Variants in PATJ observed in about 807,000 individuals in gnomAD.
PATJ encodes inaD-like protein.
PATJ carries 190 observed loss-of-function variants against 224.9 expected under a neutral mutation model. The ratio of observed to expected loss-of-function variants is 0.84; its 90% CI spans 0.75 to 0.95. PATJ has a LOEUF of 0.95. Among genes scored for constraint, PATJ ranks in the 40% least tolerant of loss-of-function variants. The probability of loss-of-function intolerance (pLI) is 0.00; values close to 1 mark genes in which losing one functional copy is unlikely to be tolerated. For synonymous variants in PATJ, 769 were observed against 820.3 expected, an observed-to-expected ratio of 0.94 and a Z score of 1.07; for missense variants, 2,121 against 2,270.3, an observed-to-expected ratio of 0.93 and a Z score of 1.34.
At chr1:61,752,166 T>C (rs186279017) in intron 1 of PATJ, among the ~76,000 whole-genome samples, 19 of 149,938 alleles carry the variant, frequency 1.3e-4, no homozygotes, top group Admixed American at 8.7e-4. Context: ...AAGCCTACCA[T>C]ATAGCAGTTT....
At chr1:61,939,726 C>T (rs556181978) in intron 27 of PATJ, among the ~76,000 whole-genome samples, 2 of 115,754 alleles carry the variant, frequency 1.7e-5, no homozygotes, top group Admixed American at 1.2e-4. Flanking sequence ...CCATGCTGGA[C>T]TGCAGTGGTG....
At chr1:61,863,478 G>T (rs1052292555) in intron 19 of PATJ, among the ~76,000 whole-genome samples, 7 of 152,158 alleles carry the variant, frequency 4.6e-5, no homozygotes, top group African/African-American at 1.7e-4. Flanking sequence ...TGATCTCTTA[G>T]AAAGAAGAGG....
Position 61,861,629 on chromosome 1 carries a change from C to T in PATJ, c.2401C>T (p.His801Tyr). The part of the protein sequence containing the change: ...EDKTEFSGTI[H>Y]DINSSLILEA... ...CAAGACTGAATTTTCAGGAACAATTCATGATATAAATTCATCTTTAATACT... is the reference window on the plus strand; with the variant it reads ...CAAGACTGAATTTTCAGGAACAATTTATGATATAAATTCATCTTTAATACT... Residue 801 changes from histidine to tyrosine, a missense_variant, in exon 19 of 44, where the codon CAT becomes TAT. Physicochemically the swap from His to Tyr is moderately conservative, Grantham distance 83 (BLOSUM62 2). Coordinates refer to ENST00000642238, the MANE Select transcript of PATJ (RefSeq NM_001350145.3). 1 of 1,476,532 alleles carries T rather than the reference C, an allele frequency of 6.8e-7. No individual in the cohort carries two copies. The highest frequency in any genetic ancestry group is 9.1e-7 in the Non-Finnish European group (1 of 1,100,206). The allele number at this position is 1,476,532 out of a possible 1,614,324, so 91.5% of individuals were successfully genotyped here. A position where few individuals can be genotyped will look rare whatever the true frequency, so the allele number is the denominator to read the frequency against.
At chr1:62,084,494 C>T in intron 32 of PATJ, 21 bp from the exon 33 acceptor site, 1 of 1,604,088 alleles carries the variant, frequency 6.2e-7, no homozygotes, top group African/African-American at 1.3e-5. Flanking sequence ...GCCAGTCATG[C>T]TGTGTTCAAT....
chr1:61,823,308 C>CTAGGA (rs1425585688), intron 15 of PATJ, among the ~76,000 whole-genome samples: 1 of 152,124 alleles, frequency 6.6e-6, no homozygotes, highest in African/African-American at 2.4e-5. Context: ...AAATGAATGA[C>CTAGGA]TAGGAAAGAA....
At chr1:62,054,273 G>A (rs1654164609) in intron 31 of PATJ, 9 of 373,924 alleles carry the variant, frequency 2.4e-5, no homozygotes, top group South Asian at 1.9e-4. Flanking sequence ...TGAAGTGGGA[G>A]GATTACTTGG....
Position 61,777,341 on chromosome 1 carries a change from G to C in PATJ, c.849+2007G>C, listed in dbSNP as rs141118469. Among the ~76,000 whole-genome samples the C allele has an allele frequency of 1.1e-3, 165 of 152,200 alleles. 5 individuals are homozygous for C. In the East Asian group the frequency reaches 0.028, roughly 26 times the overall value. On this transcript the variant is annotated intron_variant, in intron 7 of 43. Coordinates refer to ENST00000642238, the MANE Select transcript of PATJ (RefSeq NM_001350145.3). ...GCACTTTGGGAAGCCAAGGTGGGAGGCTCTCTTGAGCCCAGGAGTTCGATA... is the reference window on the plus strand; with the variant it reads ...GCACTTTGGGAAGCCAAGGTGGGAGCCTCTCTTGAGCCCAGGAGTTCGATA...
intron 21 of PATJ, among the ~76,000 whole-genome samples, chr1:61,876,368 C>G (rs886556089): frequency 2.0e-5 from 3 of 152,116 alleles, no homozygotes; most frequent in Non-Finnish European, 2.9e-5. Flanking sequence ...CAAAATAAAA[C>G]TCTCCAGGTA....
chr1:61,864,347 C>G lies in PATJ; in HGVS notation c.2549C>G (p.Ala850Gly). 1.9e-6 allele frequency: 3 copies of G among 1,613,998 alleles called. No homozygotes were observed. The highest frequency in any genetic ancestry group is 2.5e-6 in the Non-Finnish European group (3 of 1,179,916). ...AAAGAGATAGAGCAAAGCAAGGAGG[C>G]CTGGGAGATGCATGAATTTCTGACT... ...QQKEIEQSKE[A>G]WEMHEFLTPR... The change falls in exon 20 of 44, where the codon GCC becomes GGC. Residue 850 changes from alanine (A) to glycine (G), a missense_variant. Coordinates refer to ENST00000642238, the MANE Select transcript of PATJ (RefSeq NM_001350145.3).
Position 62,116,529 on chromosome 1 carries a change from C to A in PATJ, c.4656-3C>A, listed in dbSNP as rs750346413. On this transcript the variant is annotated splice_region_variant and splice_polypyrimidine_tract_variant and intron_variant, in intron 35 of 43. Coordinates refer to ENST00000642238, the MANE Select transcript of PATJ (RefSeq NM_001350145.3). ...ATACTGCACTGCTGTATGGTATTAA[C>A]AGAAATGGAAGCGGAGTGTTTATTT... 1 of 1,613,688 alleles carries A rather than the reference C, an allele frequency of 6.2e-7. No homozygotes were observed. The highest frequency in any genetic ancestry group is 8.5e-7 in the Non-Finnish European group (1 of 1,179,886).
intron 28 of PATJ, among the ~76,000 whole-genome samples, chr1:61,997,848 G>T (rs1645469466): frequency 6.8e-6 from 1 of 147,826 alleles, no homozygotes; most frequent in African/African-American, 2.5e-5. Context: ...ACAGGGTCTA[G>T]CTCTGTCACC....
chr1:61,852,249 TC>T (rs1458120003), intron 17 of PATJ, among the ~76,000 whole-genome samples: 1 of 151,964 alleles, frequency 6.6e-6, no homozygotes, highest in Non-Finnish European at 1.5e-5. Flanking sequence ...GGAAAAAAAT[TC>T]CTTCAGAAGA....
chr1:61,993,325 C>T (rs1408211634), intron 28 of PATJ, among the ~76,000 whole-genome samples: 2 of 152,110 alleles, frequency 1.3e-5, no homozygotes, highest in African/African-American at 4.8e-5. Flanking sequence ...AAGGGGAGGG[C>T]AGAGTTTCCA....
In PATJ at chr1:61,769,322, A is replaced by G. The variant is rs138420880; in HGVS notation, c.424A>G (p.Thr142Ala). The change falls in exon 5 of 44, where the codon ACT becomes GCT. Residue 142 changes from threonine (T) to alanine (A), a missense_variant. By Grantham distance (58) the Thr-to-Ala change is moderately conservative (BLOSUM62 0). Transcript: ENST00000642238. The part of the protein sequence containing the change: ...IEYIDIERPS[T>A]GGLGFSVVAL... ...ATATATAGATATAGAACGGCCTTCA[A>G]CTGGAGGCCTTGGATTCAGTGTGGT... The G allele has an allele frequency of 2.0e-5, 32 of 1,613,900 alleles. No homozygotes were observed. The African/African-American group carries it at 3.3e-4, about 17-fold the overall frequency.
Position 62,162,621 on chromosome 1 carries a change from G to T in PATJ, c.*1567G>T, listed in dbSNP as rs1398320235. 6.6e-6 allele frequency: 1 copy of T among 152,050 alleles called. No homozygotes were observed. Among genetic ancestry groups the T allele is most frequent in the Non-Finnish European group, 1.5e-5 (1 of 68,054 alleles). The allele number at this position is 152,050 out of a possible 1,614,324, so 9.4% of individuals were successfully genotyped here. A position where few individuals can be genotyped will look rare whatever the true frequency, so the allele number is the denominator to read the frequency against. On this transcript the variant is annotated 3_prime_UTR_variant, in exon 44 of 44. Transcript: ENST00000642238. ...ATATTAGCAAGAAAAAGGGAGAGAT[G>T]CTTACTGGTGGATGCTATAGAGTCC...
At chr1:62,136,973 G>A (rs933956240) in intron 41 of PATJ, among the ~76,000 whole-genome samples, 3 of 152,110 alleles carry the variant, frequency 2.0e-5, no homozygotes, top group Admixed American at 2.0e-4. Flanking sequence ...TAAGCAAGGA[G>A]CTCAAGCTTT....
At chr1:62,081,545 G>A (rs1659284148) in intron 32 of PATJ, among the ~76,000 whole-genome samples, 4 of 152,088 alleles carry the variant, frequency 2.6e-5, no homozygotes, top group Admixed American at 2.6e-4. Flanking sequence ...ATTTACAAAG[G>A]CAGTATAAAC....
chr1:61,810,739 T>C (rs186765625), intron 14 of PATJ, among the ~76,000 whole-genome samples: 34 of 132,180 alleles, frequency 2.6e-4, no homozygotes, highest in Admixed American at 2.1e-3. Context: ...AATAAATAAA[T>C]AAATAAACCC....
chr1:62,153,575 CTGGATGTG>C (rs1668847251), intron 43 of PATJ, 94 bp downstream of exon 43: 1 of 717,160 alleles, frequency 1.4e-6, no homozygotes, highest in South Asian at 7.4e-5. Context: ...TGGGTCAAAC[CTGGATGTG>C]TGCATGTATG....
Sources: allele counts gnomAD v4.1 joint callset (sites outside exome capture counted in the v4.1 genomes callset), GRCh38; gene constraint gnomAD v4.1.1; transcripts MANE v1.5; gene names NCBI Gene and HGNC (gene_info 2026-07-23, HGNC 2026-07-21).